ASF1B: variants seen among roughly 807,000 people sequenced by gnomAD.
ASF1B encodes the protein histone chaperone ASF1B.
In ASF1B, 10 loss-of-function variants were observed where a neutral mutation model predicts 16.6. The ratio of observed to expected loss-of-function variants is 0.60; its 90% CI spans 0.37 to 1.02. ASF1B has a LOEUF of 1.02. Ranked by LOEUF, ASF1B falls within the 50% of genes least tolerant of loss-of-function variation. The probability of loss-of-function intolerance (pLI) is 0.01; values close to 1 mark genes in which losing one functional copy is unlikely to be tolerated. For missense variants in ASF1B, 240 were observed against 266.0 expected (o/e 0.90, Z 0.68); for synonymous variants, 101 against 106.2 (o/e 0.95, Z 0.30).
At chr19:14,123,580 C>T (rs1189540054) in intron 2 of ASF1B, among the ~76,000 whole-genome samples, 1 of 151,776 alleles carries the variant, frequency 6.6e-6, no homozygotes, top group Admixed American at 6.6e-5. Flanking sequence ...TGGGGCTTCA[C>T]CATGTTAGCC....
chr19:14,130,277 G>A (rs1046737274), intron 1 of ASF1B, among the ~76,000 whole-genome samples: 10 of 151,684 alleles, frequency 6.6e-5, no homozygotes, highest in African/African-American at 2.4e-4. Flanking sequence ...TAGCCAAGAT[G>A]GTCTCGATCT....
chr19:14,121,526 C>A lies in ASF1B; in HGVS notation c.402+6G>T. On this transcript the variant is annotated splice_donor_region_variant and intron_variant, in intron 3 of 3. Transcript: ENST00000263382. Reference sequence around the variant, plus strand: ...GTGGGAAGCAGGAAGTGGAAACAGGCCCCACCTGGGAGAAATCTGGCTTCA... The same window carrying A: ...GTGGGAAGCAGGAAGTGGAAACAGGACCCACCTGGGAGAAATCTGGCTTCA... 6.2e-7 allele frequency: 1 copy of A among 1,611,732 alleles called. No individual in the cohort carries two copies. Among genetic ancestry groups the A allele is most frequent in the South Asian group, 1.1e-5 (1 of 90,834 alleles).
intron 1 of ASF1B, among the ~76,000 whole-genome samples, chr19:14,128,823 C>A (rs1216564898): frequency 6.6e-6 from 1 of 152,184 alleles, no homozygotes; most frequent in African/African-American, 2.4e-5. Context: ...GACAGAAAAG[C>A]CAGCCAGCCC....
At chr19:14,125,829 A>T (rs1196544840) in intron 2 of ASF1B, among the ~76,000 whole-genome samples, 2 of 152,120 alleles carry the variant, frequency 1.3e-5, no homozygotes, top group Non-Finnish European at 2.9e-5. Flanking sequence ...CTGGGATTAC[A>T]GGTGTGAGCA....
intron 1 of ASF1B, among the ~76,000 whole-genome samples, chr19:14,129,321 A>G (rs894896902): frequency 2.0e-5 from 3 of 152,114 alleles, no homozygotes; most frequent in African/African-American, 4.8e-5. Context: ...TGGCTCTTTC[A>G]ACCAGGGCTG....
At chr19:14,122,688 A>C (rs1350247783) in intron 2 of ASF1B, among the ~76,000 whole-genome samples, 1 of 152,184 alleles carries the variant, frequency 6.6e-6, no homozygotes, top group Non-Finnish European at 1.5e-5. Flanking sequence ...GAAACACAGA[A>C]TCAATCCCAC....
chr19:14,129,855 TGGGC>T, intron 1 of ASF1B, among the ~76,000 whole-genome samples: 1 of 150,996 alleles, frequency 6.6e-6, no homozygotes, highest in Non-Finnish European at 1.5e-5. Context: ...GAGATCAGCC[TGGGC>T]AACATGGTGA....
At chr19:14,125,823 G>C (rs571500195) in intron 2 of ASF1B, among the ~76,000 whole-genome samples, 1 of 152,250 alleles carries the variant, frequency 6.6e-6, no homozygotes, top group Non-Finnish European at 1.5e-5. Flanking sequence ...AAAGTGCTGG[G>C]ATTACAGGTG....
At chr19:14,122,238 T>G (rs1340663630) in intron 2 of ASF1B, among the ~76,000 whole-genome samples, 1 of 151,864 alleles carries the variant, frequency 6.6e-6, no homozygotes, top group Non-Finnish European at 1.5e-5. Flanking sequence ...GCCTTTTTTT[T>G]GTATTTTTAG....
At position 14,120,154 on chromosome 19, in the gene ASF1B, ATCAATGGTAC is replaced by A. The variant is rs1200192874; in HGVS notation, c.*295_*304del. On this transcript the variant is annotated 3_prime_UTR_variant, in exon 4 of 4. Transcript: ENST00000263382. The stretch of plus-strand genomic sequence containing the variant: ...AGGGAGGTCTGTGGGAAAGCTTTGG[ATCAATGGTAC>A]TCAAGGGTGCACAGTGGCACAGTGG... The A allele has an allele frequency of 3.2e-6, 1 of 311,970 alleles. No homozygotes were observed. The highest frequency in any genetic ancestry group is 5.9e-6 in the Non-Finnish European group (1 of 168,488). 19.3% of individuals were successfully genotyped at this position (311,970 alleles called of 1,614,324 possible). A position where few individuals can be genotyped will look rare whatever the true frequency, so the allele number is the denominator to read the frequency against.
At position 14,136,364 on chromosome 19, in the gene ASF1B, A is replaced by G; in HGVS notation, c.93T>C (p.Ser31=). ...PFRFEISFEC[S]EALADDLEWK... ...CAGCCTCACCGTCCGCCAGGGCTTC[A>G]CTGCACTCGAAGCTGATCTCGAACC... The change falls in exon 1 of 4, where the codon AGT becomes AGC. Residue 31 remains serine, a synonymous_variant. Coordinates refer to ENST00000263382, the MANE Select transcript of ASF1B (RefSeq NM_018154.3). 1 of 1,613,170 alleles carries G rather than the reference A, an allele frequency of 6.2e-7. No homozygotes were observed. Among genetic ancestry groups the G allele is most frequent in the Non-Finnish European group, 8.5e-7 (1 of 1,179,362 alleles).
At chr19:14,126,301 T>G (rs927174485) in intron 1 of ASF1B, 64 bp from the exon 2 acceptor site, 4 of 1,173,358 alleles carry the variant, frequency 3.4e-6, no homozygotes, top group Non-Finnish European at 4.9e-6. Context: ...AGGGATAGGC[T>G]CTTGTATTTT....
intron 2 of ASF1B, among the ~76,000 whole-genome samples, chr19:14,123,901 G>A (rs73509735): frequency 0.02 from 2,985 of 149,334 alleles, 92 homozygotes; most frequent in African/African-American, 0.069. Flanking sequence ...AATAATTCTC[G>A]TGCCTCAGCC....
At chr19:14,125,185 T>C (rs1250777407) in intron 2 of ASF1B, among the ~76,000 whole-genome samples, 1 of 152,184 alleles carries the variant, frequency 6.6e-6, no homozygotes, top group Non-Finnish European at 1.5e-5. Context: ...CAGGCTGGTC[T>C]TGAACTCCTG....
chr19:14,132,285 C>T (rs1379292613), intron 1 of ASF1B, among the ~76,000 whole-genome samples: 1 of 152,082 alleles, frequency 6.6e-6, no homozygotes, highest in Non-Finnish European at 1.5e-5. Flanking sequence ...TCCTTAGCCT[C>T]CCAAAGTGCT....
chr19:14,135,642 G>T (rs532335996), intron 1 of ASF1B, among the ~76,000 whole-genome samples: 4 of 152,110 alleles, frequency 2.6e-5, no homozygotes, highest in Admixed American at 1.3e-4. Context: ...AAAAGGGGTT[G>T]AGGGGTTTTC....
intron 1 of ASF1B, among the ~76,000 whole-genome samples, chr19:14,132,313 C>A (rs902296204): frequency 6.6e-6 from 1 of 152,122 alleles, no homozygotes; most frequent in Non-Finnish European, 1.5e-5. Flanking sequence ...CAGGCATGAG[C>A]CACCTCACAC....
intron 1 of ASF1B, among the ~76,000 whole-genome samples, chr19:14,133,528 C>A (rs181615753): frequency 6.6e-5 from 10 of 152,028 alleles, no homozygotes; most frequent in African/African-American, 2.4e-4. Context: ...ATTAGCCAGG[C>A]GTCATAGCAG....
In ASF1B at chr19:14,127,587, T is replaced by TA. The variant is rs1188193766; in HGVS notation, c.110-1351dup. Reference sequence around the variant, plus strand: ...GATCTGGCACCAAGTCATGCCTACTTAGAGACATTTGGGCAACTCAGTCAA... The same window carrying TA: ...GATCTGGCACCAAGTCATGCCTACTTAAGAGACATTTGGGCAACTCAGTCAA... On this transcript the variant is annotated intron_variant, in intron 1 of 3. Transcript: ENST00000263382. 5.3e-5 allele frequency among the ~76,000 whole-genome samples: 8 copies of TA among 151,956 alleles called. No homozygotes were observed. The East Asian group carries it at 1.4e-3, about 26-fold the overall frequency.
Sources: gnomAD v4.1 joint callset for allele counts (sites outside exome capture counted in the v4.1 genomes callset) on GRCh38, gnomAD v4.1.1 for gene constraint, MANE v1.5 for transcripts, NCBI Gene and HGNC (gene_info 2026-07-23, HGNC 2026-07-21) for gene names.